Variants in NUDT5 observed in about 807,000 individuals in gnomAD.
NUDT5 encodes the protein nudix hydrolase 5.
A neutral mutation model predicts 34.1 loss-of-function variants in NUDT5; 21 were observed. That is an observed-to-expected ratio of 0.62 (90% CI 0.44 to 0.89). The LOEUF is 0.89. NUDT5 is among the 40% of genes least tolerant of loss of function. NUDT5 has a pLI of 0.00. For missense variants in NUDT5, 249 were observed against 274.8 expected (o/e 0.91, Z 0.66); for synonymous variants, 85 against 97.6 (o/e 0.87, Z 0.76).
In NUDT5 at chr10:12,165,421, C is replaced by G. The variant is rs759453848; in HGVS notation, c.*2281G>C. 9.6e-5 allele frequency: 88 copies of G among 918,164 alleles called. No homozygotes were observed. Among genetic ancestry groups the G allele is most frequent in the Non-Finnish European group, 1.1e-4 (83 of 768,898 alleles). The allele number at this position is 918,164 out of a possible 1,614,324, so 56.9% of individuals were successfully genotyped here. On this transcript the variant is annotated 3_prime_UTR_variant, in exon 10 of 10. Transcript: ENST00000491614. ...TCTGATATTAAACGTTTTCTAAGAT[C>G]ATTTGTATAGGTTCAGTGTATTCAT... is the stretch of plus-strand genomic sequence containing the variant.
chr10:12,170,743 T>C lies in NUDT5; in HGVS notation c.524A>G (p.Lys175Arg). ...ATCAAGTCTCTGCAGCAGGTCATTC[T>C]TGGGTAAAGAAATGACTTCCACAAA... is the stretch of plus-strand genomic sequence containing the variant. ...GEFVEVISLP[K>R]NDLLQRLDAL... The change falls in exon 9 of 10, where the codon AAG becomes AGG. Residue 175 changes from lysine to arginine, a missense_variant. Lys to Arg is a conservative substitution (Grantham distance 26). Transcript: ENST00000491614. The surrounding 1 kb of genome is among the most constrained non-coding windows in gnomAD (Gnocchi z 4.9). 6.2e-6 allele frequency: 10 copies of C among 1,614,072 alleles called. No homozygotes were observed. The highest frequency in any genetic ancestry group is 8.5e-6 in the Non-Finnish European group (10 of 1,180,018).
At chr10:12,167,952 T>A in intron 9 of NUDT5, 141 bp from the exon 10 acceptor site, 1 of 1,410,880 alleles carries the variant, frequency 7.1e-7, no homozygotes, top group Non-Finnish European at 9.2e-7. Context: ...TTTTGGTCTA[T>A]AAGGATCTTA....
chr10:12,173,961 A>C lies in NUDT5; in HGVS notation c.290-148T>G. 1.6e-6 allele frequency: 1 copy of C among 622,866 alleles called. No homozygotes were observed. Among genetic ancestry groups the C allele is most frequent in the Non-Finnish European group, 2.9e-6 (1 of 345,790 alleles). The allele number at this position is 622,866 out of a possible 1,614,324, so 38.6% of individuals were successfully genotyped here. A position where few individuals can be genotyped will look rare whatever the true frequency, so the allele number is the denominator to read the frequency against. On this transcript the variant is annotated intron_variant, in intron 5 of 9. Coordinates refer to ENST00000491614, the MANE Select transcript of NUDT5 (RefSeq NM_014142.4). The surrounding 1 kb of genome is among the most constrained non-coding windows in gnomAD (Gnocchi z 4.7). Reference sequence around the variant, plus strand: ...GGCCCACTGCAACCTCCGCCCGTCCAGGTTTAAGCAATTCTCTGCTTCAGC... The same window carrying C: ...GGCCCACTGCAACCTCCGCCCGTCCCGGTTTAAGCAATTCTCTGCTTCAGC...
In NUDT5 at chr10:12,171,704, TTTATTTA is replaced by T. The variant is rs1834859300; in HGVS notation, c.488-803_488-797del. 6.7e-6 allele frequency among the ~76,000 whole-genome samples: 1 copy of T among 149,254 alleles called. No homozygotes were observed. The highest frequency in any genetic ancestry group is 6.7e-5 in the Admixed American group (1 of 14,918). On this transcript the variant is annotated intron_variant, in intron 7 of 9. Transcript: ENST00000491614. The surrounding 1 kb of genome is among the most constrained non-coding windows in gnomAD (Gnocchi z 4.2). ...AAGATTTATTTTATTTATTTATTTA[TTTATTTA>T]TTTATTTATTTATTTATTTATTTAT...
intron 3 of NUDT5, chr10:12,184,517 T>C: frequency 3.2e-6 from 5 of 1,546,592 alleles, no homozygotes; most frequent in Non-Finnish European, 3.5e-6. Flanking sequence ...ATGTTGTTGT[T>C]TTCTCTTTAT....
At position 12,165,776 on chromosome 10, in the gene NUDT5, A is replaced by T. The variant is rs1834662471; in HGVS notation, c.*1926T>A. On this transcript the variant is annotated 3_prime_UTR_variant, in exon 10 of 10. Transcript: ENST00000491614. ...AGGTGTGGTATGTCTTACGTAGCTTATGCTTACAAAGCCAAATAATCGCAG... is the reference window on the plus strand; with the variant it reads ...AGGTGTGGTATGTCTTACGTAGCTTTTGCTTACAAAGCCAAATAATCGCAG... The T allele has an allele frequency of 6.6e-6, 1 of 152,236 alleles. No homozygotes were observed. The highest frequency in any genetic ancestry group is 1.9e-4 in the East Asian group (1 of 5,198). The allele number at this position is 152,236 out of a possible 1,614,324, so 9.4% of individuals were successfully genotyped here. A position where few individuals can be genotyped will look rare whatever the true frequency, so the allele number is the denominator to read the frequency against.
At position 12,173,842 on chromosome 10, in the gene NUDT5, G is replaced by T. The variant is rs111462768; in HGVS notation, c.290-29C>A. 3.9e-5 allele frequency: 60 copies of T among 1,527,668 alleles called. 2 individuals are homozygous for T. The highest frequency in any genetic ancestry group is 3.5e-4 in the African/African-American group (25 of 71,848). 94.6% of individuals were successfully genotyped at this position (1,527,668 alleles called of 1,614,324 possible). On this transcript the variant is annotated intron_variant, in intron 5 of 9. Coordinates refer to ENST00000491614, the MANE Select transcript of NUDT5 (RefSeq NM_014142.4). This position sits in a 1 kb window ranked among gnomAD's most constrained non-coding sequence, Gnocchi z 4.7. ...CAAGTCCAAATCATTGGTGTGATGG[G>T]AGCGGGAAATCCGGTTCTTTAAACC...
intron 7 of NUDT5, among the ~76,000 whole-genome samples, chr10:12,172,325 G>A (rs771192315): frequency 1.3e-5 from 2 of 151,768 alleles, no homozygotes; most frequent in Non-Finnish European, 2.9e-5. Context: ...CTGTCACAGA[G>A]TGGCACCATC....
chr10:12,188,752 AG>A (rs1835170748), intron 1 of NUDT5, among the ~76,000 whole-genome samples: 1 of 149,988 alleles, frequency 6.7e-6, no homozygotes, highest in Non-Finnish European at 1.5e-5. Context: ...AAAAAAAAAA[AG>A]TGGTGGTGAG....
In NUDT5 at chr10:12,169,234, CTATT is replaced by C. The variant is rs1307257905; in HGVS notation, c.551-1427_551-1424del. ...CTCTCTCCACCTCCCCTCACTTATT[CTATT>C]TTTTTCTCCCTTTTCTAAGACCAAA... is the stretch of plus-strand genomic sequence containing the variant. On this transcript the variant is annotated intron_variant, in intron 9 of 9. Coordinates refer to ENST00000491614, the MANE Select transcript of NUDT5 (RefSeq NM_014142.4). The surrounding 1 kb of genome is among the most constrained non-coding windows in gnomAD (Gnocchi z 4.8). 2.7e-6 allele frequency: 4 copies of C among 1,502,138 alleles called. No individual in the cohort carries two copies. Among genetic ancestry groups the C allele is most frequent in the Non-Finnish European group, 3.6e-6 (4 of 1,103,760 alleles). 93.1% of individuals were successfully genotyped at this position (1,502,138 alleles called of 1,614,324 possible). A position where few individuals can be genotyped will look rare whatever the true frequency, so the allele number is the denominator to read the frequency against.
intron 2 of NUDT5, among the ~76,000 whole-genome samples, chr10:12,185,328 C>T (rs1835108216): frequency 6.6e-6 from 1 of 152,226 alleles, no homozygotes; most frequent in African/African-American, 2.4e-5. Flanking sequence ...GTGCATACAA[C>T]ACAGGTGAGT....
rs1466160813 is a variant in NUDT5 at position 12,181,892 on chromosome 10, A to G, written c.132-2760T>C. On this transcript the variant is annotated intron_variant, in intron 3 of 9. Coordinates refer to ENST00000491614, the MANE Select transcript of NUDT5 (RefSeq NM_014142.4). The surrounding 1 kb of genome is among the most constrained non-coding windows in gnomAD (Gnocchi z 5.0). ...GGTGGCTCACGACTGTAGTCCTAGC[A>G]CTTTGGGAGGCCAAGGTGGGTGGAT... Among the ~76,000 whole-genome samples, 1 of 152,186 alleles carries G rather than the reference A, an allele frequency of 6.6e-6. No homozygotes were observed.
At position 12,170,382 on chromosome 10, in the gene NUDT5, A is replaced by G; in HGVS notation, c.550+335T>C. On this transcript the variant is annotated intron_variant, in intron 9 of 9. Coordinates refer to ENST00000491614, the MANE Select transcript of NUDT5 (RefSeq NM_014142.4). The surrounding 1 kb of genome is among the most constrained non-coding windows in gnomAD (Gnocchi z 4.9). ...ATACTTGAGGAAAAGCTAACAGCTT[A>G]TCTACCCACACCTTTGCATTGCTAT... 1.6e-6 allele frequency: 1 copy of G among 642,394 alleles called. No individual in the cohort carries two copies. Among genetic ancestry groups the G allele is most frequent in the Non-Finnish European group, 2.7e-6 (1 of 370,614 alleles). 39.8% of individuals were successfully genotyped at this position (642,394 alleles called of 1,614,324 possible).
rs1362204686 is a variant in NUDT5 at position 12,171,968 on chromosome 10, A to G, written c.487+797T>C. 1.3e-5 allele frequency among the ~76,000 whole-genome samples: 2 copies of G among 151,846 alleles called. No homozygotes were observed. The highest frequency in any genetic ancestry group is 1.9e-4 in the East Asian group (1 of 5,170). ...TCGAGCTCCTGACCTCAAGTGATCCACCCACCTCAACCTTCCAAAGTGCTG... is the reference window on the plus strand; with the variant it reads ...TCGAGCTCCTGACCTCAAGTGATCCGCCCACCTCAACCTTCCAAAGTGCTG... On this transcript the variant is annotated intron_variant, in intron 7 of 9. Transcript: ENST00000491614. The surrounding 1 kb of genome is among the most constrained non-coding windows in gnomAD (Gnocchi z 4.2).
chr10:12,176,096 C>T (rs11257579), intron 5 of NUDT5, among the ~76,000 whole-genome samples: 8 of 151,638 alleles, frequency 5.3e-5, no homozygotes, highest in Admixed American at 5.3e-4. Flanking sequence ...ACTCAGGAGG[C>T]TGAGGCAGGA....
At chr10:12,189,669 C>G (rs1835190121) in intron 1 of NUDT5, among the ~76,000 whole-genome samples, 1 of 152,146 alleles carries the variant, frequency 6.6e-6, no homozygotes, top group Non-Finnish European at 1.5e-5. Context: ...CAACACGCTG[C>G]AGAAAGAACG....
rs1834812428 is a variant in NUDT5 at position 12,169,808 on chromosome 10, G to GA, written c.550+908dup. 2 of 297,702 alleles carry GA rather than the reference G, an allele frequency of 6.7e-6. No individual in the cohort carries two copies. The highest frequency in any genetic ancestry group is 6.2e-6 in the Non-Finnish European group (1 of 162,452). 18.4% of individuals were successfully genotyped at this position (297,702 alleles called of 1,614,324 possible). On this transcript the variant is annotated intron_variant, in intron 9 of 9. Transcript: ENST00000491614. The surrounding 1 kb of genome is among the most constrained non-coding windows in gnomAD (Gnocchi z 4.8). ...TTATTCACTGAAACCGTAAGCTGCT[G>GA]AAACTCAGGGAAAAGCTTAAGAAAC...
rs750759504 is a variant in NUDT5 at position 12,177,907 on chromosome 10, C to T, written c.182-7G>A. On this transcript the variant is annotated splice_region_variant and splice_polypyrimidine_tract_variant and intron_variant, in intron 4 of 9. Coordinates refer to ENST00000491614, the MANE Select transcript of NUDT5 (RefSeq NM_014142.4). ...ACGGGGATGACCGCGACACCTGTCA[C>T]CAGGAAATGGAACCAAGGAAATCCC... 6.2e-7 allele frequency: 1 copy of T among 1,609,586 alleles called. No homozygotes were observed. The highest frequency in any genetic ancestry group is 1.7e-5 in the Admixed American group (1 of 59,984).
intron 1 of NUDT5, among the ~76,000 whole-genome samples, chr10:12,195,175 G>T (rs1835312146): frequency 6.6e-6 from 1 of 152,082 alleles, no homozygotes; most frequent in Non-Finnish European, 1.5e-5. Flanking sequence ...ATAAATAAAA[G>T]CAGCTAGTTA....
Sources: gnomAD v4.1 joint callset for allele counts (sites outside exome capture counted in the v4.1 genomes callset) on GRCh38, gnomAD v4.1.1 for gene constraint, Gnocchi (gnomAD v3.1) non-coding constraint, MANE v1.5 for transcripts, NCBI Gene and HGNC (gene_info 2026-07-23, HGNC 2026-07-21) for gene names.